The following SLC8A1 variants were observed in gnomAD, a reference collection of about 807,000 sequenced individuals.
SLC8A1 encodes the protein sodium/calcium exchanger 1.
SLC8A1 carries 18 observed loss-of-function variants against 68.3 expected under a neutral mutation model. The ratio of observed to expected loss-of-function variants is 0.26; its 90% CI spans 0.18 to 0.39. The LOEUF is 0.39. SLC8A1 is among the 10% of genes least tolerant of loss of function. The pLI is 1.00. For synonymous variants in SLC8A1, 475 were observed against 415.5 expected (o/e 1.14, Z -1.74); for missense variants, 985 against 1,156.7 (o/e 0.85, Z 2.15).
intron 2 of SLC8A1, among the ~76,000 whole-genome samples, chr2:40,424,540 G>A (rs1696362790): frequency 6.6e-6 from 1 of 151,690 alleles, no homozygotes; most frequent in Admixed American, 6.6e-5. Context: ...CAGCTATATT[G>A]GTTAAGATGT....
At chr2:40,106,061 T>A (rs1415902652) in exon 8 of SLC8A1, 1 of 152,240 alleles carries the variant, frequency 6.6e-6, no homozygotes, top group Non-Finnish European at 1.5e-5. Context: ...AAATGCAATC[T>A]TTGCTTCAGA....
intron 2 of SLC8A1, among the ~76,000 whole-genome samples, chr2:40,246,326 C>T (rs889340563): frequency 2.0e-5 from 3 of 152,328 alleles, no homozygotes; most frequent in Middle Eastern, 3.4e-3. Flanking sequence ...CACTTCAAAA[C>T]GTCTGCTTTT....
intron 2 of SLC8A1, among the ~76,000 whole-genome samples, chr2:40,198,653 A>T (rs73924573): frequency 6.6e-6 from 1 of 151,848 alleles, no homozygotes; most frequent in South Asian, 2.1e-4. Context: ...ACCCAAAGTC[A>T]GAGACCTTGA....
chr2:40,323,560 T>C (rs1422397485), intron 2 of SLC8A1, among the ~76,000 whole-genome samples: 1 of 152,122 alleles, frequency 6.6e-6, no homozygotes, highest in Admixed American at 6.6e-5. Context: ...ATTCCGTAAA[T>C]ATTTGTCTGG....
chr2:40,443,672 T>G (rs1393387195), intron 1 of SLC8A1, among the ~76,000 whole-genome samples: 1 of 152,202 alleles, frequency 6.6e-6, no homozygotes, highest in Non-Finnish European at 1.5e-5. Context: ...GATGGAAGGT[T>G]CACTGGTCTA....
rs182044818 is a variant in SLC8A1 at position 40,435,296 on chromosome 2, T to C, written c.-24-4992A>G. On this transcript the variant is annotated intron_variant, in intron 1 of 7. Transcript: ENST00000406785. ...CAAGGCAAGCACTTCCAAATGTTTC[T>C]AGACAAAGAGATGATGCCAGAGGAT... 4.5e-4 allele frequency among the ~76,000 whole-genome samples: 68 copies of C among 152,290 alleles called. 1 individual carries two copies. In the East Asian group the frequency reaches 0.012, roughly 27 times the overall value.
intron 2 of SLC8A1, among the ~76,000 whole-genome samples, chr2:40,345,908 C>G (rs1265953278): frequency 6.6e-6 from 1 of 151,866 alleles, no homozygotes; most frequent in African/African-American, 2.4e-5. Context: ...GAGCTTAAAA[C>G]CTAAATTACA....
exon 8 of SLC8A1, chr2:40,106,718 T>G (rs1038137606): frequency 1.3e-5 from 2 of 152,212 alleles, no homozygotes; most frequent in African/African-American, 2.4e-5. Flanking sequence ...AAAAATAACT[T>G]TCCATTATAA....
At chr2:40,133,442 C>T (rs182219284) in intron 7 of SLC8A1, among the ~76,000 whole-genome samples, 87 of 151,678 alleles carry the variant, frequency 5.7e-4, no homozygotes, top group African/African-American at 2.1e-3. Flanking sequence ...CTCCTTCAGC[C>T]TTAAAATCCT....
intron 7 of SLC8A1, 41 bp downstream of exon 10, chr2:40,139,360 C>G: frequency 1.2e-6 from 2 of 1,605,004 alleles, no homozygotes; most frequent in Non-Finnish European, 1.7e-6. Context: ...GGCAAATGAA[C>G]TTCTGCTACT....
chr2:40,229,947 C>A (rs1327490556), intron 2 of SLC8A1, among the ~76,000 whole-genome samples: 4 of 152,140 alleles, frequency 2.6e-5, no homozygotes, highest in Non-Finnish European at 4.4e-5. Context: ...AATCACATAT[C>A]TTTTATGTTG....
At chr2:40,246,342 G>A (rs375505743) in intron 2 of SLC8A1, among the ~76,000 whole-genome samples, 198 of 152,262 alleles carry the variant, frequency 1.3e-3, no homozygotes, top group African/African-American at 4.6e-3. Context: ...CTTTTATTGG[G>A]TTTACCCTGC....
At chr2:40,215,630 C>G (rs1353792717) in intron 2 of SLC8A1, among the ~76,000 whole-genome samples, 1 of 106,624 alleles carries the variant, frequency 9.4e-6, no homozygotes, top group Non-Finnish European at 1.7e-5. Context: ...GGCGACAAAG[C>G]GAGACTCCGT....
chr2:40,102,640 C>CT (rs2033964397), exon 8 of SLC8A1: 1 of 152,124 alleles, frequency 6.6e-6, no homozygotes, highest in African/African-American at 2.4e-5. Context: ...GGAAGAAAGG[C>CT]TAAATCTATT....
chr2:40,263,612 C>T (rs2064987062), intron 2 of SLC8A1, among the ~76,000 whole-genome samples: 1 of 152,170 alleles, frequency 6.6e-6, no homozygotes, highest in African/African-American at 2.4e-5. Context: ...AAAGGACTCC[C>T]TGTTTCATAA....
In SLC8A1 at chr2:40,139,377, A is replaced by C. The variant is rs116461257; in HGVS notation, c.2437+24T>G. Reference sequence around the variant, plus strand: ...CAAATGAACTTCTGCTACTGGGGGAATTATACATGAATGTAATTTGTACCT... The same window carrying C: ...CAAATGAACTTCTGCTACTGGGGGACTTATACATGAATGTAATTTGTACCT... On this transcript the variant is annotated intron_variant, in intron 7 of 7. Transcript: ENST00000406785. 1,809 of 1,611,326 alleles carry C rather than the reference A, an allele frequency of 1.1e-3. 13 individuals are homozygous for C. The African/African-American group carries it at 0.019, about 17-fold the overall frequency.
intron 1 of SLC8A1, among the ~76,000 whole-genome samples, chr2:40,493,463 T>A (rs953000922): frequency 5.7e-4 from 87 of 151,400 alleles, no homozygotes; most frequent in African/African-American, 2.0e-3. Context: ...AACCTGCACA[T>A]TGTGCACATG....
chr2:40,175,469 A>C (rs761835230), intron 3 of SLC8A1, among the ~76,000 whole-genome samples, 188 bp from the exon 4 acceptor site: 1 of 151,842 alleles, frequency 6.6e-6, no homozygotes, highest in Non-Finnish European at 1.5e-5. Context: ...TCCCAACTGA[A>C]ATTTCTGAAA....
chr2:40,423,413 T>C (rs1696030916), intron 2 of SLC8A1, among the ~76,000 whole-genome samples: 1 of 152,084 alleles, frequency 6.6e-6, no homozygotes, highest in South Asian at 2.1e-4. Context: ...GAGCATATTT[T>C]TTCTATTTCT....
Sources: allele counts gnomAD v4.1 joint callset (sites outside exome capture counted in the v4.1 genomes callset), GRCh38; gene constraint gnomAD v4.1.1; transcripts MANE v1.5; gene names NCBI Gene and HGNC (gene_info 2026-07-23, HGNC 2026-07-21).